Variants in SPATS2 observed in about 807,000 individuals in gnomAD.
SPATS2 encodes spermatogenesis associated serine rich 2.
SPATS2 carries 38 observed loss-of-function variants against 63.7 expected under a neutral mutation model. That is an observed-to-expected ratio of 0.60 (90% CI 0.46 to 0.78). SPATS2 has a LOEUF of 0.78. Among genes scored for constraint, SPATS2 ranks in the 30% least tolerant of loss-of-function variants. The pLI, the probability that SPATS2 is intolerant of heterozygous loss-of-function variation, is 0.00. For missense variants in SPATS2, 588 were observed against 666.2 expected (o/e 0.88, Z 1.29); for synonymous variants, 207 against 232.9 (o/e 0.89, Z 1.01).
intron 2 of SPATS2, among the ~76,000 whole-genome samples, chr12:49,395,324 T>G (rs1944489573): frequency 6.6e-6 from 1 of 151,952 alleles, no homozygotes; most frequent in South Asian, 2.1e-4. Context: ...TCTTGCCTGA[T>G]TGCACTGGCT....
chr12:49,526,026 A>T lies in SPATS2; in HGVS notation c.1409A>T (p.His470Leu). ...KSNDPMNQGR[H>L]DSMGRYRNSS... ...AATGACCCCATGAACCAAGGGCGGCATGACAGTATGGGTCGTTACAGAAAC... is the reference window on the plus strand; with the variant it reads ...AATGACCCCATGAACCAAGGGCGGCTTGACAGTATGGGTCGTTACAGAAAC... Residue 470 changes from histidine (H) to leucine (L), a missense_variant, in exon 14 of 14, where the codon CAT becomes CTT. His to Leu is a moderately conservative substitution (Grantham distance 99, BLOSUM62 -3). Transcript: ENST00000552918. The T allele has an allele frequency of 6.2e-7, 1 of 1,614,260 alleles. No individual in the cohort carries two copies. Among genetic ancestry groups the T allele is most frequent in the Non-Finnish European group, 8.5e-7 (1 of 1,180,048 alleles).
At chr12:49,522,996 G>A in intron 12 of SPATS2, 143 bp downstream of exon 12, 1 of 638,020 alleles carries the variant, frequency 1.6e-6, no homozygotes, top group Non-Finnish European at 2.7e-6. Flanking sequence ...TGCTTATGAA[G>A]TCCATGGGTG....
chr12:49,499,409 G>GTTTTGTTTTGTT (rs1428606297), intron 8 of SPATS2, among the ~76,000 whole-genome samples: 2 of 149,712 alleles, frequency 1.3e-5, no homozygotes, highest in East Asian at 3.9e-4. Flanking sequence ...GTTTTGTTTT[G>GTTTTGTTTTGTT]TTTTGTTTTG....
At chr12:49,392,155 G>A (rs1439360015) in intron 2 of SPATS2, among the ~76,000 whole-genome samples, 1 of 152,022 alleles carries the variant, frequency 6.6e-6, no homozygotes, top group Admixed American at 6.6e-5. Flanking sequence ...TTGTAAACAA[G>A]TTGGGTTAAC....
At chr12:49,490,895 A>G in intron 6 of SPATS2, 164 bp downstream of exon 6, 1 of 607,282 alleles carries the variant, frequency 1.6e-6, no homozygotes, top group Non-Finnish European at 2.8e-6. Context: ...TAATCCCAGC[A>G]CTTTAGGAGG....
At position 49,500,170 on chromosome 12, in the gene SPATS2, G is replaced by A; in HGVS notation, c.804G>A (p.Lys268=). The A allele has an allele frequency of 6.2e-7, 1 of 1,610,432 alleles. No individual in the cohort carries two copies. Among genetic ancestry groups the A allele is most frequent in the Non-Finnish European group, 8.5e-7 (1 of 1,178,822 alleles). The change falls in exon 9 of 14, where the codon AAG becomes AAA. Residue 268 remains lysine, a synonymous_variant. Coordinates refer to ENST00000552918, the MANE Select transcript of SPATS2 (RefSeq NM_023071.4). ...AAGAAGAGATGGATGCCTCCATTAA[G>A]AAAATGAAACAAGCCTTTGCTGAAT... ...VVKEEMDASI[K]KMKQAFAELE... is the part of the protein sequence containing the mutation.
At chr12:49,470,966 G>A (rs1223433809) in intron 3 of SPATS2, among the ~76,000 whole-genome samples, 1 of 152,220 alleles carries the variant, frequency 6.6e-6, no homozygotes, top group Non-Finnish European at 1.5e-5. Context: ...AAATAAGAAA[G>A]GCAATGTGAA....
At chr12:49,384,685 T>C (rs906694413) in intron 2 of SPATS2, among the ~76,000 whole-genome samples, 7 of 152,246 alleles carry the variant, frequency 4.6e-5, no homozygotes, top group African/African-American at 1.7e-4. Context: ...TCAAATACAA[T>C]CTAGTGTCTT....
At position 49,489,555 on chromosome 12, in the gene SPATS2, G is replaced by A. The variant is rs747208087; in HGVS notation, c.196G>A (p.Val66Ile). The change falls in exon 5 of 14, where the codon GTA (valine) becomes ATA (isoleucine). Residue 66 changes from valine (V) to isoleucine (I), a missense_variant. Val to Ile is a conservative substitution (Grantham distance 29). Coordinates refer to ENST00000552918, the MANE Select transcript of SPATS2 (RefSeq NM_023071.4). Reference sequence around the variant, plus strand: ...CTTTGATAACTGTGTGGACAAAACAGTACAAGCATTCATGGAAGGTAATCC... The same window carrying A: ...CTTTGATAACTGTGTGGACAAAACAATACAAGCATTCATGGAAGGTAATCC... ...QHFDNCVDKT[V>I]QAFMEGSASE... The A allele has an allele frequency of 6.2e-7, 1 of 1,612,338 alleles. No homozygotes were observed. Among genetic ancestry groups the A allele is most frequent in the Non-Finnish European group, 8.5e-7 (1 of 1,179,288 alleles).
chr12:49,477,046 A>G (rs1442395100), intron 3 of SPATS2, among the ~76,000 whole-genome samples: 3 of 152,032 alleles, frequency 2.0e-5, no homozygotes, highest in Admixed American at 6.6e-5. Flanking sequence ...CGGAGGTTGC[A>G]GTGAGCCAAG....
intron 2 of SPATS2, among the ~76,000 whole-genome samples, chr12:49,381,432 C>T (rs1282590361): frequency 1.3e-5 from 2 of 152,108 alleles, no homozygotes; most frequent in Admixed American, 1.3e-4. Flanking sequence ...GTATTTAAGG[C>T]CAATAAAGAT....
At chr12:49,393,171 G>T (rs1565699849) in intron 2 of SPATS2, among the ~76,000 whole-genome samples, 1 of 151,834 alleles carries the variant, frequency 6.6e-6, no homozygotes, top group Non-Finnish European at 1.5e-5. Context: ...AAAATGGAAA[G>T]AATAATATAA....
intron 2 of SPATS2, among the ~76,000 whole-genome samples, chr12:49,454,006 G>A (rs565352203): frequency 1.3e-4 from 20 of 151,804 alleles, no homozygotes; most frequent in Non-Finnish European, 4.4e-5. Context: ...GGGACTACAG[G>A]CTCCCGCCAC....
chr12:49,471,834 C>A, intron 3 of SPATS2, among the ~76,000 whole-genome samples: 1 of 152,138 alleles, frequency 6.6e-6, no homozygotes, highest in Non-Finnish European at 1.5e-5. Context: ...GTGAATTTGA[C>A]TACTCTAGGT....
At chr12:49,496,023 A>G (rs183341990) in intron 7 of SPATS2, among the ~76,000 whole-genome samples, 1 of 152,292 alleles carries the variant, frequency 6.6e-6, no homozygotes, top group African/African-American at 2.4e-5. Context: ...TTACTTGTTA[A>G]TCCAGTTCCC....
At chr12:49,462,698 G>C (rs1472700077) in intron 3 of SPATS2, 2 of 547,316 alleles carry the variant, frequency 3.7e-6, no homozygotes, top group South Asian at 2.2e-5. Flanking sequence ...AGCTGAAAAG[G>C]GGTTGGTGGG....
At chr12:49,471,738 T>C (rs1382905337) in intron 3 of SPATS2, among the ~76,000 whole-genome samples, 3 of 152,238 alleles carry the variant, frequency 2.0e-5, no homozygotes, top group Non-Finnish European at 2.9e-5. Flanking sequence ...GTTTTCATAT[T>C]GTAAAACTGA....
intron 3 of SPATS2, among the ~76,000 whole-genome samples, chr12:49,464,998 G>T (rs747411421): frequency 3.9e-5 from 6 of 151,994 alleles, no homozygotes; most frequent in Non-Finnish European, 5.9e-5. Context: ...ATTATGTCTG[G>T]CTTCTTTTCA....
intron 9 of SPATS2, among the ~76,000 whole-genome samples, chr12:49,504,750 T>C (rs1946626780): frequency 6.9e-6 from 1 of 144,028 alleles, no homozygotes; most frequent in Non-Finnish European, 1.5e-5. Flanking sequence ...TTTTTTCCTG[T>C]TTCTTTTCTT....
Sources: gnomAD v4.1 joint callset for allele counts (sites outside exome capture counted in the v4.1 genomes callset) on GRCh38, gnomAD v4.1.1 for gene constraint, MANE v1.5 for transcripts, NCBI Gene and HGNC (gene_info 2026-07-23, HGNC 2026-07-21) for gene names.